Variants in GNL3L observed in about 807,000 individuals in gnomAD.
GNL3L encodes the protein guanine nucleotide-binding protein-like 3-like protein.
GNL3L carries 4 observed loss-of-function variants against 42.9 expected under a neutral mutation model. The observed-to-expected ratio is 0.09, with a 90% CI of 0.05 to 0.21. GNL3L has a LOEUF of 0.21. Among genes scored for constraint, GNL3L ranks in the 10% least tolerant of loss-of-function variants. GNL3L has a pLI of 1.00. For missense variants in GNL3L, 412 were observed against 481.7 expected, an observed-to-expected ratio of 0.86 and a Z score of 1.36; for synonymous variants, 159 against 176.3, an observed-to-expected ratio of 0.90 and a Z score of 0.78.
chrX:54,541,244 T>C (rs1924604402), intron 4 of GNL3L, 29 bp from the exon 5 acceptor site: 2 of 1,034,848 alleles, frequency 1.9e-6, no homozygotes. Flanking sequence ...CCCAGTCAGC[T>C]CCAGTACCAG....
downstream of GNL3L, among the ~76,000 whole-genome samples, chrX:54,622,562 G>A (rs1277539136): frequency 9.1e-6 from 1 of 109,967 alleles, no homozygotes; most frequent in Non-Finnish European, 1.9e-5. Context: ...TGGGAGTACA[G>A]GCATAAGCCA....
chrX:54,596,422 C>T (rs1367322977), intron 16 of GNL3L, among the ~76,000 whole-genome samples: 1 of 111,907 alleles, frequency 8.9e-6, no homozygotes, highest in Non-Finnish European at 1.9e-5. Flanking sequence ...AACAAAATCT[C>T]TCTCTGTTCT....
At chrX:54,594,494 G>T (rs1007355200) in intron 16 of GNL3L, among the ~76,000 whole-genome samples, 1 of 106,537 alleles carries the variant, frequency 9.4e-6, no homozygotes, top group Admixed American at 1.0e-4. Context: ...GCCTATGTGT[G>T]TCTTTATAGG....
chrX:54,541,268 G>A lies in GNL3L; in HGVS notation c.190-5G>A. ...CTCCAGTACCAGTGTGTGTTCACTT[G>A]TTAGGTTGAGGAGATGAGGGAGAAG... On this transcript the variant is annotated splice_region_variant and splice_polypyrimidine_tract_variant and intron_variant, in intron 4 of 15. Coordinates refer to ENST00000360845, the MANE Select transcript of GNL3L (RefSeq NM_001184819.2). 1 of 1,178,044 alleles carries A rather than the reference G, an allele frequency of 8.5e-7. No homozygotes were observed. The highest frequency in any genetic ancestry group is 1.2e-6 in the Non-Finnish European group (1 of 865,315).
chrX:54,639,655 T>C, the GNL3L span, among the ~76,000 whole-genome samples: 1 of 110,968 alleles, frequency 9.0e-6, no homozygotes, highest in Non-Finnish European at 1.9e-5. Flanking sequence ...CTCTTACAAG[T>C]AGTGTGTCGC....
chrX:54,600,096 C>T (rs988034078), intron 16 of GNL3L, among the ~76,000 whole-genome samples: 9 of 105,698 alleles, frequency 8.5e-5, no homozygotes, highest in African/African-American at 2.8e-4. Context: ...TTGTCTTTTG[C>T]ATTCAGTTTG....
chrX:54,546,516 C>T (rs1924776702), intron 8 of GNL3L, among the ~76,000 whole-genome samples: 1 of 112,159 alleles, frequency 8.9e-6, no homozygotes, highest in Non-Finnish European at 1.9e-5. Context: ...TTTATACTCC[C>T]ACCAGTGGGG....
rs1315408274 is a variant in GNL3L, at chrX:54,607,058, TTC to T, written c.*46-13785_*46-13784del. Among the ~76,000 whole-genome samples the T allele has an allele frequency of 4.8e-4, 28 of 58,678 alleles. 1 individual carries two copies. The highest frequency in any genetic ancestry group is 2.4e-3 in the African/African-American group (26 of 10,721). 51.0% of individuals were successfully genotyped at this position (58,678 alleles called of 115,157 possible). On this transcript the variant is annotated intron_variant, in intron 16 of 16. Transcript: ENST00000674498. ...TTTCTTTCTTTCTTTCTTTCTTTCTTTCTTTCTTTCTTTCTCTTTCTTTCTTC... is the reference window on the plus strand; with the variant it reads ...TTTCTTTCTTTCTTTCTTTCTTTCTTTTTCTTTCTTTCTCTTTCTTTCTTC...
chrX:54,615,209 A>G (rs1480849402), intron 16 of GNL3L, among the ~76,000 whole-genome samples: 3 of 112,273 alleles, frequency 2.7e-5, no homozygotes, highest in Non-Finnish European at 3.8e-5. Context: ...ACTTAGCATA[A>G]TGATTTTGTG....
At chrX:54,537,816 C>T (rs1387110890) in intron 2 of GNL3L, among the ~76,000 whole-genome samples, 1 of 110,296 alleles carries the variant, frequency 9.1e-6, no homozygotes, top group Non-Finnish European at 1.9e-5. Flanking sequence ...GCTTTGTTGC[C>T]CAGGCTGGAT....
Position 54,561,725 on chromosome X carries a change from A to G in GNL3L, c.*1123A>G, listed in dbSNP as rs1925277196. 9.0e-6 allele frequency among the ~76,000 whole-genome samples: 1 copy of G among 111,591 alleles called. No individual in the cohort carries two copies. Reference sequence around the variant, plus strand: ...TTCCATGGCTCAAGAGGGTTCTGGTACCATTTATTCACAGACTGTATCCTC... The same window carrying G: ...TTCCATGGCTCAAGAGGGTTCTGGTGCCATTTATTCACAGACTGTATCCTC... On this transcript the variant is annotated 3_prime_UTR_variant, in exon 16 of 16. Coordinates refer to ENST00000360845, the MANE Select transcript of GNL3L (RefSeq NM_001184819.2).
At chrX:54,533,367 C>CAAAA (rs771261021) in intron 2 of GNL3L, among the ~76,000 whole-genome samples, 1 of 59,563 alleles carries the variant, frequency 1.7e-5, no homozygotes. Context: ...GACGCTGTCT[C>CAAAA]AAAAAAAAAA....
At chrX:54,606,482 C>T (rs1442539752) in intron 16 of GNL3L, among the ~76,000 whole-genome samples, 2 of 110,601 alleles carry the variant, frequency 1.8e-5, no homozygotes, top group Non-Finnish European at 3.8e-5. Flanking sequence ...GAAATGTTCT[C>T]TCTCTCTTTT....
intron 16 of GNL3L, among the ~76,000 whole-genome samples, chrX:54,584,081 ATTTT>A (rs36085364): frequency 1.1e-5 from 1 of 94,645 alleles, no homozygotes; most frequent in African/African-American, 4.1e-5. Flanking sequence ...TCTTCTAATG[ATTTT>A]TTTTTTTTTT....
At chrX:54,531,844 C>T (rs966669418) in intron 1 of GNL3L, among the ~76,000 whole-genome samples, 17 of 111,208 alleles carry the variant, frequency 1.5e-4, no homozygotes, top group Non-Finnish European at 1.9e-4. Flanking sequence ...AGTTTCTCTG[C>T]ACCCCAGAGT....
chrX:54,639,858 C>T, the GNL3L span, among the ~76,000 whole-genome samples: 1 of 109,663 alleles, frequency 9.1e-6, no homozygotes, highest in African/African-American at 3.3e-5. Flanking sequence ...GTAACAGGGT[C>T]GGATTTGTCT....
chrX:54,638,624 A>G, the GNL3L span, among the ~76,000 whole-genome samples: 248 of 110,958 alleles, frequency 2.2e-3, 2 homozygotes, highest in Non-Finnish European at 3.3e-3. Flanking sequence ...GCGCCTGGCT[A>G]ATTTTTGTAT....
intron 16 of GNL3L, among the ~76,000 whole-genome samples, chrX:54,584,552 T>G (rs760999190): frequency 8.9e-6 from 1 of 112,003 alleles, no homozygotes; most frequent in African/African-American, 3.2e-5. Flanking sequence ...TGAAATGTTA[T>G]GCAGCACGAT....
Position 54,579,982 on chromosome X carries a change from G to GT in GNL3L, c.*45+19338dup, listed in dbSNP as rs1158646056. Reference sequence around the variant, plus strand: ...CATGAGCCACTGTGCCTGGCCTAAAGTTTGTTTTTTTTTTTTTTTTTTTTT... The same window carrying GT: ...CATGAGCCACTGTGCCTGGCCTAAAGTTTTGTTTTTTTTTTTTTTTTTTTTT... On this transcript the variant is annotated intron_variant, in intron 16 of 16. Transcript: ENST00000674498. Among the ~76,000 whole-genome samples, 394 of 54,595 alleles carry GT rather than the reference G, an allele frequency of 7.2e-3. 5 individuals are homozygous for GT. The highest frequency in any genetic ancestry group is 0.059 in the African/African-American group (350 of 5,883). The allele number at this position is 54,595 out of a possible 115,157, so 47.4% of individuals were successfully genotyped here.
Sources: gnomAD v4.1 joint callset for allele counts (sites outside exome capture counted in the v4.1 genomes callset) on GRCh38, gnomAD v4.1.1 for gene constraint, MANE v1.5 for transcripts, NCBI Gene and HGNC (gene_info 2026-07-23, HGNC 2026-07-21) for gene names.